Variants in NRXN1 observed in about 807,000 individuals in gnomAD.
NRXN1 encodes neurexin-1.
A neutral mutation model predicts 150.9 loss-of-function variants in NRXN1; 39 were observed. The ratio of observed to expected loss-of-function variants is 0.26; its 90% CI spans 0.20 to 0.34. NRXN1 has a LOEUF of 0.34. Among genes scored for constraint, NRXN1 ranks in the 10% least tolerant of loss-of-function variants. NRXN1 has a pLI of 1.00. For synonymous variants in NRXN1, 924 were observed against 757.0 expected (o/e 1.22, Z -3.62); for missense variants, 1,815 against 1,949.9 (o/e 0.93, Z 1.30).
intron 18 of NRXN1, among the ~76,000 whole-genome samples, chr2:50,196,196 C>T (rs1296955656): frequency 1.3e-5 from 2 of 152,034 alleles, no homozygotes; most frequent in Non-Finnish European, 2.9e-5. Flanking sequence ...TTGTTCAGCT[C>T]CCACTTATAA....
rs577012494 is a variant in NRXN1 at position 50,575,490 on chromosome 2, A to G, written c.1321-22465T>C. Among the ~76,000 whole-genome samples the G allele has an allele frequency of 1.3e-4, 20 of 152,288 alleles. 1 individual carries two copies. The highest frequency in any genetic ancestry group is 4.6e-4 in the African/African-American group (19 of 41,552). ...CCTACTTCCTCTGTTCCAATCCCGC[A>G]TACCGTTTAATGACAGGCTCTGTAT... is the stretch of plus-strand genomic sequence containing the variant. On this transcript the variant is annotated intron_variant, in intron 8 of 22. Coordinates refer to ENST00000401669, the MANE Select transcript of NRXN1 (RefSeq NM_001330078.2).
At chr2:50,105,877 C>T (rs1215154122) in intron 18 of NRXN1, among the ~76,000 whole-genome samples, 1 of 151,648 alleles carries the variant, frequency 6.6e-6, no homozygotes, top group Non-Finnish European at 1.5e-5. Flanking sequence ...TTTAGAAGAA[C>T]CATATAAACC....
rs1165324585 is a variant in NRXN1 at position 51,027,698 on chromosome 2, C to T, written c.576G>A (p.Ser192=). ...CGCCGCTGTCCACGGGCAGGACCTG[C>T]GAGGAGTTGACCCTCACGTCACGAA... ...GWIRDVRVNS[S]QVLPVDSGEV... Residue 192 remains serine, a synonymous_variant, in exon 2 of 23, where the codon TCG becomes TCA. Coordinates refer to ENST00000401669, the MANE Select transcript of NRXN1 (RefSeq NM_001330078.2). 6.2e-6 allele frequency: 10 copies of T among 1,605,864 alleles called. No homozygotes were observed. Among genetic ancestry groups the T allele is most frequent in the African/African-American group, 2.7e-5 (2 of 74,666 alleles).
chr2:50,437,089 G>A, intron 17 of NRXN1, among the ~76,000 whole-genome samples: 1 of 152,046 alleles, frequency 6.6e-6, no homozygotes, highest in East Asian at 1.9e-4. Flanking sequence ...AACCACACAA[G>A]CACACCTACT....
chr2:50,503,984 C>T (rs2092091072), intron 13 of NRXN1, among the ~76,000 whole-genome samples: 2 of 151,902 alleles, frequency 1.3e-5, no homozygotes, highest in South Asian at 4.2e-4. Flanking sequence ...AATATACATT[C>T]AGTCATGAGG....
chr2:50,283,201 T>C (rs2071686839), intron 17 of NRXN1, among the ~76,000 whole-genome samples: 2 of 152,176 alleles, frequency 1.3e-5, no homozygotes, highest in African/African-American at 4.8e-5. Context: ...CTGTAAACCT[T>C]AGAAGTATCA....
intron 21 of NRXN1, among the ~76,000 whole-genome samples, chr2:49,990,285 C>G (rs1245894238): frequency 1.3e-5 from 2 of 151,964 alleles, no homozygotes; most frequent in African/African-American, 4.8e-5. Flanking sequence ...AAGAAAGAGT[C>G]TGAGCATCAA....
chr2:50,619,108 T>A (rs1679531170), intron 8 of NRXN1: 3 of 152,180 alleles, frequency 2.0e-5, no homozygotes, highest in Admixed American at 6.6e-5. Context: ...CAAGTTTATA[T>A]GATTAAATTA....
At chr2:50,975,805 C>A (rs931257689) in intron 2 of NRXN1, among the ~76,000 whole-genome samples, 1 of 151,948 alleles carries the variant, frequency 6.6e-6, no homozygotes, top group Admixed American at 6.6e-5. Flanking sequence ...TACCCCATAC[C>A]TTTGGTACTA....
intron 21 of NRXN1, among the ~76,000 whole-genome samples, chr2:50,000,862 T>A (rs1683806149): frequency 6.6e-6 from 1 of 152,166 alleles, no homozygotes; most frequent in African/African-American, 2.4e-5. Flanking sequence ...CTGGCTGAGA[T>A]GCGGTGCAGA....
chr2:50,730,968 C>T (rs1431657287), intron 5 of NRXN1, among the ~76,000 whole-genome samples: 1 of 152,248 alleles, frequency 6.6e-6, no homozygotes, highest in Admixed American at 6.5e-5. Context: ...CCACCGCGCC[C>T]GGCCTTCCCT....
chr2:50,865,829 T>C (rs1394761925), intron 5 of NRXN1, among the ~76,000 whole-genome samples: 1 of 151,178 alleles, frequency 6.6e-6, no homozygotes, highest in African/African-American at 2.4e-5. Flanking sequence ...GTGCTAGTCA[T>C]ATTTATATTA....
chr2:50,911,205 C>T (rs1057449311), intron 5 of NRXN1, among the ~76,000 whole-genome samples: 2 of 151,548 alleles, frequency 1.3e-5, no homozygotes, highest in Non-Finnish European at 3.0e-5. Flanking sequence ...TCTCAGGCTG[C>T]TGTCATTACT....
rs754558377 is a variant in NRXN1, at chr2:50,474,683, C to CAAAAA, written c.3071-2217_3071-2213dup. Among the ~76,000 whole-genome samples, 121 of 54,976 alleles carry CAAAAA rather than the reference C, an allele frequency of 2.2e-3. 4 individuals carry two copies. The highest frequency in any genetic ancestry group is 6.9e-3 in the African/African-American group (84 of 12,216). 36.1% of individuals were successfully genotyped at this position (54,976 alleles called of 152,430 possible). A position where few individuals can be genotyped will look rare whatever the true frequency, so the allele number is the denominator to read the frequency against. On this transcript the variant is annotated intron_variant, in intron 15 of 22. Transcript: ENST00000401669. ...AATTTCCAGACTGGCACAGAAATAG[C>CAAAAA]AAAAAAAAAAAAAAAAAAAAAAAGT...
intron 2 of NRXN1, among the ~76,000 whole-genome samples, chr2:50,964,913 C>A (rs76449434): frequency 1.8e-3 from 271 of 151,494 alleles, no homozygotes; most frequent in African/African-American, 6.3e-3. Flanking sequence ...AGGCAACATA[C>A]TCTGGAATTT....
chr2:50,552,487 G>A (rs912464142), intron 9 of NRXN1, 100 bp downstream of exon 9: 6 of 838,936 alleles, frequency 7.2e-6, no homozygotes, highest in African/African-American at 5.1e-5. Context: ...AGAAACAAAT[G>A]CAGGAAGTCT....
At chr2:49,965,314 T>C (rs1558597737) in intron 21 of NRXN1, among the ~76,000 whole-genome samples, 3 of 152,176 alleles carry the variant, frequency 2.0e-5, no homozygotes, top group Non-Finnish European at 2.9e-5. Context: ...TCTCCCAGGC[T>C]GGAGTGTAAT....
chr2:50,509,389 A>G (rs767047496), intron 12 of NRXN1, among the ~76,000 whole-genome samples: 22 of 152,166 alleles, frequency 1.4e-4, no homozygotes, highest in Non-Finnish European at 3.2e-4. Flanking sequence ...CAAATCTCTA[A>G]GTAATACAAT....
At chr2:50,207,176 A>C (rs2062661436) in intron 18 of NRXN1, among the ~76,000 whole-genome samples, 1 of 152,130 alleles carries the variant, frequency 6.6e-6, no homozygotes, top group Admixed American at 6.6e-5. Flanking sequence ...GGTAAGACAC[A>C]TTCACCAAAC....
Sources: gnomAD v4.1 joint callset for allele counts (sites outside exome capture counted in the v4.1 genomes callset) on GRCh38, gnomAD v4.1.1 for gene constraint, MANE v1.5 for transcripts, NCBI Gene and HGNC (gene_info 2026-07-23, HGNC 2026-07-21) for gene names.